Variants in GLCCI1 observed in about 807,000 individuals in gnomAD.
The protein encoded by GLCCI1 is glucocorticoid-induced transcript 1 protein.
In GLCCI1, 24 loss-of-function variants were observed where a neutral mutation model predicts 52.2. The ratio of observed to expected loss-of-function variants is 0.46; its 90% confidence interval spans 0.33 to 0.65. The LOEUF (loss-of-function observed/expected upper bound fraction) is 0.65, where lower values mean the gene tolerates loss of function less well. GLCCI1 is among the 30% of genes least tolerant of loss of function. The pLI is 0.02. For synonymous variants in GLCCI1, 310 were observed against 276.5 expected (o/e 1.12, Z -1.20); for missense variants, 704 against 701.5 (o/e 1.00, Z -0.04).
intron 2 of GLCCI1, among the ~76,000 whole-genome samples, chr7:8,011,250 C>CT (rs1183991191): frequency 2.0e-5 from 3 of 152,106 alleles, no homozygotes; most frequent in Non-Finnish European, 4.4e-5. Context: ...ATGTCTAATA[C>CT]TTTTTTACTT....
At chr7:8,085,536 C>T (rs1449349276) in intron 7 of GLCCI1, among the ~76,000 whole-genome samples, 2 of 152,332 alleles carry the variant, frequency 1.3e-5, no homozygotes, top group Non-Finnish European at 2.9e-5. Flanking sequence ...GGCAGAGTAG[C>T]TCAGAAGAAG....
At chr7:8,076,216 A>G (rs1782874530) in intron 6 of GLCCI1, among the ~76,000 whole-genome samples, 1 of 152,050 alleles carries the variant, frequency 6.6e-6, no homozygotes, top group Non-Finnish European at 1.5e-5. Flanking sequence ...TTGGGGGTTT[A>G]TATTGTAAAA....
intron 1 of GLCCI1, among the ~76,000 whole-genome samples, chr7:7,972,763 TATA>T (rs561486390): frequency 1.3e-5 from 2 of 152,152 alleles, no homozygotes; most frequent in South Asian, 2.1e-4. Context: ...TTAATATTAT[TATA>T]ATATTAATTT....
intron 2 of GLCCI1, among the ~76,000 whole-genome samples, chr7:8,021,117 G>T (rs142591250): frequency 9.2e-5 from 14 of 152,166 alleles, no homozygotes; most frequent in African/African-American, 2.9e-4. Context: ...GTTGTTAACG[G>T]TTTTTTTGAA....
At chr7:8,080,967 G>T (rs1037610852) in intron 6 of GLCCI1, among the ~76,000 whole-genome samples, 1 of 150,978 alleles carries the variant, frequency 6.6e-6, no homozygotes, top group African/African-American at 2.4e-5. Context: ...AAGCCACCTC[G>T]CCCAGCGCTT....
intron 3 of GLCCI1, among the ~76,000 whole-genome samples, chr7:8,029,199 C>G (rs1344628013): frequency 1.3e-5 from 2 of 152,022 alleles, no homozygotes; most frequent in Admixed American, 1.3e-4. Flanking sequence ...TGCAAAAATC[C>G]TCAACAAAAT....
intron 3 of GLCCI1, among the ~76,000 whole-genome samples, chr7:8,051,528 G>C (rs757686045): frequency 6.6e-6 from 1 of 152,198 alleles, no homozygotes; most frequent in Non-Finnish European, 1.5e-5. Flanking sequence ...GAGTGACTTA[G>C]TATTGAGGAT....
At position 8,083,246 on chromosome 7, in the gene GLCCI1, C is replaced by T. The variant is rs17142814; in HGVS notation, c.1178-1651C>T. Among the ~76,000 whole-genome samples the T allele has an allele frequency of 2.6e-5, 4 of 152,022 alleles. No homozygotes were observed. In the South Asian group the frequency reaches 8.3e-4, roughly 32 times the overall value. ...AAGAATGGGATGTCCATCCTCCCTA[C>T]TTACTTGTATTTTTGATCTCATATA... On this transcript the variant is annotated intron_variant, in intron 6 of 7. Coordinates refer to ENST00000223145, the MANE Select transcript of GLCCI1 (RefSeq NM_138426.4).
intron 2 of GLCCI1, among the ~76,000 whole-genome samples, chr7:8,005,268 A>T (rs2115428018): frequency 6.6e-6 from 1 of 152,232 alleles, no homozygotes; most frequent in South Asian, 2.1e-4. Context: ...AATAATTTTA[A>T]AAAGAAAAAA....
chr7:8,021,778 T>C (rs1182208698), intron 2 of GLCCI1, among the ~76,000 whole-genome samples: 1 of 152,240 alleles, frequency 6.6e-6, no homozygotes, highest in African/African-American at 2.4e-5. Flanking sequence ...TAGTGATTTG[T>C]GTTACATTTG....
intron 3 of GLCCI1, among the ~76,000 whole-genome samples, chr7:8,047,482 C>A (rs1782157960): frequency 6.6e-6 from 1 of 152,186 alleles, no homozygotes; most frequent in Non-Finnish European, 1.5e-5. Context: ...CGTTAATTTG[C>A]ACCCATTTAG....
chr7:8,051,185 GGA>G (rs1425345777), intron 3 of GLCCI1, among the ~76,000 whole-genome samples: 1 of 152,284 alleles, frequency 6.6e-6, no homozygotes, highest in East Asian at 1.9e-4. Flanking sequence ...TTCTATTATA[GGA>G]ATATCCCTTT....
chr7:7,968,826 A>AGCGGCGGCGGCGGCGGCG lies in GLCCI1; in HGVS notation c.-521_-504dup, dbSNP rs570249106. On this transcript the variant is annotated 5_prime_UTR_variant, in exon 1 of 8. Coordinates refer to ENST00000223145, the MANE Select transcript of GLCCI1 (RefSeq NM_138426.4). ...CCATTCGGAGTGAGGAGTGGGTAGA[A>AGCGGCGGCGGCGGCGGCG]GCGGCGGCGGCGGCGGCGGCGTTTG... The AGCGGCGGCGGCGGCGGCG allele has an allele frequency of 1.2e-5, 2 of 160,132 alleles. No individual in the cohort carries two copies. The highest frequency in any genetic ancestry group is 1.3e-4 in the Admixed American group (2 of 15,516). 9.9% of individuals were successfully genotyped at this position (160,132 alleles called of 1,614,324 possible).
At chr7:7,996,815 A>G (rs1780947465) in intron 1 of GLCCI1, among the ~76,000 whole-genome samples, 1 of 152,124 alleles carries the variant, frequency 6.6e-6, no homozygotes, top group African/African-American at 2.4e-5. Flanking sequence ...TCATTTCTGC[A>G]TGTTTTCTAG....
chr7:8,012,836 G>C (rs1438471275), intron 2 of GLCCI1, among the ~76,000 whole-genome samples: 1 of 152,080 alleles, frequency 6.6e-6, no homozygotes, highest in African/African-American at 2.4e-5. Flanking sequence ...CTGTACTTTT[G>C]TTGGCATATT....
At chr7:8,057,923 G>T (rs1782434536) in intron 4 of GLCCI1, among the ~76,000 whole-genome samples, 1 of 152,208 alleles carries the variant, frequency 6.6e-6, no homozygotes, top group South Asian at 2.1e-4. Context: ...TTTGTAGGTG[G>T]AATATGAAGT....
intron 2 of GLCCI1, among the ~76,000 whole-genome samples, chr7:8,011,683 A>C (rs541239302): frequency 6.6e-6 from 1 of 152,296 alleles, no homozygotes; most frequent in Admixed American, 6.5e-5. Context: ...GCTAGATCAT[A>C]GGGTAATTCT....
rs189367185 is a variant in GLCCI1 at position 7,986,315 on chromosome 7, A to G, written c.457+16508A>G. Among the ~76,000 whole-genome samples, 304 of 152,140 alleles carry G rather than the reference A, an allele frequency of 2.0e-3. 3 individuals carry two copies. Among genetic ancestry groups the G allele is most frequent in the East Asian group, 0.019 (100 of 5,164 alleles). On this transcript the variant is annotated intron_variant, in intron 1 of 7. Transcript: ENST00000223145. ...ATCATGAGGTCAGGAGATGAAGACT[A>G]TCCTGGCTAACACGGTGAAACCCTG...
chr7:8,035,763 CAG>C (rs1554261370), intron 3 of GLCCI1, among the ~76,000 whole-genome samples: 140 of 152,326 alleles, frequency 9.2e-4, no homozygotes, highest in Non-Finnish European at 1.2e-3. Context: ...AAGTGCCTAA[CAG>C]GGGTGTGACA....
Sources: allele counts gnomAD v4.1 joint callset (sites outside exome capture counted in the v4.1 genomes callset), GRCh38; gene constraint gnomAD v4.1.1; transcripts MANE v1.5; gene names NCBI Gene and HGNC (gene_info 2026-07-23, HGNC 2026-07-21).